The following COL4A4 variants were observed in gnomAD, a reference collection of about 807,000 sequenced individuals.
COL4A4 encodes collagen alpha-4(IV) chain.
Under a neutral mutation model 192.9 loss-of-function variants are expected in COL4A4, and 105 were observed. That is an observed-to-expected ratio of 0.54 (90% confidence interval 0.46 to 0.64). COL4A4 has a LOEUF of 0.64. Ranked by LOEUF, COL4A4 falls within the 30% of genes least tolerant of loss-of-function variation. The pLI, the probability that COL4A4 is intolerant of heterozygous loss-of-function variation, is 0.00. For synonymous variants in COL4A4, 762 were observed against 769.9 expected (o/e 0.99, Z 0.17); for missense variants, 1,967 against 2,169.3 (o/e 0.91, Z 1.85).
chr2:227,038,613 G>A (rs1013844056), intron 37 of COL4A4, among the ~76,000 whole-genome samples: 1 of 152,110 alleles, frequency 6.6e-6, no homozygotes, highest in South Asian at 2.1e-4. Context: ...GAAAGTCAAT[G>A]GTAGCTGGAA....
intron 16 of COL4A4, 69 bp from the exon 17 acceptor site, chr2:227,101,626 T>A: frequency 6.8e-7 from 1 of 1,462,122 alleles, no homozygotes; most frequent in Non-Finnish European, 9.5e-7. Flanking sequence ...CATTCTCATT[T>A]AATTTAAGCA....
At chr2:227,101,728 A>T (rs971451532) in intron 16 of COL4A4, 137 bp downstream of exon 16, 1 of 1,038,948 alleles carries the variant, frequency 9.6e-7, no homozygotes, top group South Asian at 1.4e-5. Flanking sequence ...CCCACAGCTA[A>T]ATCCTGCAAT....
At position 227,036,890 on chromosome 2, in the gene COL4A4, C is replaced by CT. The variant is rs528519339; in HGVS notation, c.3506-3410dup. Among the ~76,000 whole-genome samples, 286 of 152,212 alleles carry CT rather than the reference C, an allele frequency of 1.9e-3. 1 individual carries two copies. Among genetic ancestry groups the CT allele is most frequent in the Middle Eastern group, 0.01 (3 of 294 alleles). ...TTCTGAGGAAAGCCATTTCCAGATTCTTTTTTCTTATGAAACATTTTACTT... is the reference window on the plus strand; with the variant it reads ...TTCTGAGGAAAGCCATTTCCAGATTCTTTTTTTCTTATGAAACATTTTACTT... On this transcript the variant is annotated intron_variant, in intron 37 of 47. Transcript: ENST00000396625.
chr2:227,041,805 G>GAAGAAAGAAAGAAAGAAAGA (rs202002799), intron 37 of COL4A4, among the ~76,000 whole-genome samples: 1 of 39,362 alleles, frequency 2.5e-5, no homozygotes, highest in African/African-American at 9.7e-5. Context: ...AGAAAGAAAG[G>GAAGAAAGAAAGAAAGAAAGA]AAGAAAGAAA....
At position 227,164,072 on chromosome 2, in the gene COL4A4, C is replaced by T. The variant is rs1316368008; in HGVS notation, c.-167G>A. On this transcript the variant is annotated 5_prime_UTR_variant, in exon 1 of 48. Coordinates refer to ENST00000396625, the MANE Select transcript of COL4A4 (RefSeq NM_000092.5). The surrounding 1 kb of genome is among the most constrained non-coding windows in gnomAD (Gnocchi z 4.8). The stretch of plus-strand genomic sequence containing the variant: ...ACCCCACGGGACGCGCACCTCCAGC[C>T]CCAATCCACCCGCGCCCCGCTGCCT... 6.6e-6 allele frequency: 1 copy of T among 152,386 alleles called. No individual in the cohort carries two copies. The highest frequency in any genetic ancestry group is 1.5e-5 in the Non-Finnish European group (1 of 68,190). The allele number at this position is 152,386 out of a possible 1,614,324, so 9.4% of individuals were successfully genotyped here.
Position 227,082,117 on chromosome 2 carries a change from T to C in COL4A4, c.1694A>G (p.Lys565Arg), listed in dbSNP as rs2059357834. The C allele has an allele frequency of 1.9e-6, 3 of 1,613,968 alleles. No individual in the cohort carries two copies. In the South Asian group the frequency reaches 3.3e-5, roughly 18 times the overall value. Residue 565 changes from lysine (K) to arginine (R), a missense_variant and splice_region_variant, in exon 23 of 48, where the codon AAA (lysine) becomes AGA (arginine). Physicochemically the swap from Lys to Arg is conservative, Grantham distance 26 (BLOSUM62 2). Coordinates refer to ENST00000396625, the MANE Select transcript of COL4A4 (RefSeq NM_000092.5). Reference protein sequence around the residue: ...AKGDMVVSRVKGHKGERGPDG... With the variant: ...AKGDMVVSRVRGHKGERGPDG... ...GTTAAGTGATTGATTATGCTCACCT[T>C]TAACTCTTGATACAACCATGTCACC...
At chr2:226,995,491 G>C in the COL4A4 span, 7 of 1,613,002 alleles carry the variant, frequency 4.3e-6, no homozygotes, top group Non-Finnish European at 5.9e-6. Flanking sequence ...GAAATGAGGA[G>C]ACAGCGGCTT....
the COL4A4 span, among the ~76,000 whole-genome samples, chr2:226,986,200 CAGAA>C: frequency 2.6e-5 from 4 of 152,176 alleles, no homozygotes; most frequent in Non-Finnish European, 4.4e-5. Context: ...AGAAAGGACT[CAGAA>C]AGAGCCACAG....
intron 45 of COL4A4, 60 bp downstream of exon 45, chr2:227,012,121 T>C (rs1176687349): frequency 1.5e-6 from 2 of 1,368,600 alleles, no homozygotes; most frequent in East Asian, 4.6e-5. Flanking sequence ...AGATCAGAGA[T>C]TTTGTATACA....
Position 227,054,704 on chromosome 2 carries a change from G to A in COL4A4, c.2750C>T (p.Pro917Leu). ...PRGLPGFPGF[P>L]GERGKPGAEG... The stretch of plus-strand genomic sequence containing the variant: ...TGCACCAGGCTTTCCTCTTTCTCCG[G>A]GAAAACCTGGGAAACCAGGCAGCCC... The change falls in exon 31 of 48, where the codon CCC becomes CTC. Residue 917 changes from proline to leucine, a missense_variant. By Grantham distance (98) the Pro-to-Leu change is moderately conservative. Coordinates refer to ENST00000396625, the MANE Select transcript of COL4A4 (RefSeq NM_000092.5). 6.2e-7 allele frequency: 1 copy of A among 1,614,178 alleles called. No individual in the cohort carries two copies. The highest frequency in any genetic ancestry group is 8.5e-7 in the Non-Finnish European group (1 of 1,180,030).
At chr2:227,083,681 T>C (rs537798705) in intron 22 of COL4A4, among the ~76,000 whole-genome samples, 1 of 152,310 alleles carries the variant, frequency 6.6e-6, no homozygotes, top group South Asian at 2.1e-4. Flanking sequence ...CTCAAACTCC[T>C]AGCCTTAAGG....
chr2:227,014,011 T>C (rs1964363040), intron 44 of COL4A4, among the ~76,000 whole-genome samples: 1 of 152,202 alleles, frequency 6.6e-6, no homozygotes, highest in South Asian at 2.1e-4. Context: ...TTTGACTTGA[T>C]GTTGCAAGCT....
chr2:227,065,384 A>T (rs2058256039), intron 25 of COL4A4, among the ~76,000 whole-genome samples: 1 of 152,256 alleles, frequency 6.6e-6, no homozygotes, highest in Non-Finnish European at 1.5e-5. Context: ...ACCACAGCTC[A>T]AGGAGGCCTG....
rs1963914361 is a variant in COL4A4 at position 227,012,310 on chromosome 2, T to A, written c.4217-13A>T. On this transcript the variant is annotated splice_polypyrimidine_tract_variant and intron_variant, in intron 44 of 47. Coordinates refer to ENST00000396625, the MANE Select transcript of COL4A4 (RefSeq NM_000092.5). Reference sequence around the variant, plus strand: ...TCTCCTTTGCACCCTGCACAAAAGTTTATGATGCTGGTGGTGAAAGCAACC... The same window carrying A: ...TCTCCTTTGCACCCTGCACAAAAGTATATGATGCTGGTGGTGAAAGCAACC... The A allele has an allele frequency of 6.2e-7, 1 of 1,604,652 alleles. No homozygotes were observed. Among genetic ancestry groups the A allele is most frequent in the South Asian group, 1.1e-5 (1 of 90,906 alleles).
Position 227,037,783 on chromosome 2 carries a change from C to T in COL4A4, c.3506-4302G>A, listed in dbSNP as rs977369946. The stretch of plus-strand genomic sequence containing the variant: ...GACTTTTTAATGATCTCCATTCTAA[C>T]TGGCAATGAGATGGTATCTCATTGT... On this transcript the variant is annotated intron_variant, in intron 37 of 47. Coordinates refer to ENST00000396625, the MANE Select transcript of COL4A4 (RefSeq NM_000092.5). Among the ~76,000 whole-genome samples, 6 of 117,030 alleles carry T rather than the reference C, an allele frequency of 5.1e-5. No homozygotes were observed. In the South Asian group the frequency reaches 1.6e-3, roughly 31 times the overall value. 76.8% of individuals were successfully genotyped at this position (117,030 alleles called of 152,430 possible). A position where few individuals can be genotyped will look rare whatever the true frequency, so the allele number is the denominator to read the frequency against.
intron 12 of COL4A4, among the ~76,000 whole-genome samples, chr2:227,107,756 CTTTTTT>C (rs71036157): frequency 1.8e-5 from 2 of 109,202 alleles, no homozygotes; most frequent in Non-Finnish European, 1.8e-5. Context: ...AATCACTTTT[CTTTTTT>C]TTTTTTTTTT....
chr2:227,118,515 G>A, intron 7 of COL4A4, 130 bp downstream of exon 7: 1 of 743,276 alleles, frequency 1.3e-6, no homozygotes. Context: ...TTATCCCCCA[G>A]CCACTCCCAT....
chr2:227,059,850 T>C (rs2150280462), intron 27 of COL4A4, among the ~76,000 whole-genome samples: 1 of 152,300 alleles, frequency 6.6e-6, no homozygotes, highest in South Asian at 2.1e-4. Flanking sequence ...TTTCCTTCTC[T>C]GGCAAACATT....
At position 227,140,255 on chromosome 2, in the gene COL4A4, C is replaced by T. The variant is rs373374906; in HGVS notation, c.115-17G>A. On this transcript the variant is annotated splice_polypyrimidine_tract_variant and intron_variant, in intron 3 of 47. Transcript: ENST00000396625. ...CTTTCCACTCTGGAAAGTGAAGCAT[C>T]TTATTTAGTATACCAGTACTCATCG... 1.2e-6 allele frequency: 2 copies of T among 1,608,244 alleles called. No homozygotes were observed. The highest frequency in any genetic ancestry group is 2.7e-5 in the African/African-American group (2 of 74,824).
Sources: allele counts gnomAD v4.1 joint callset (sites outside exome capture counted in the v4.1 genomes callset), GRCh38; gene constraint gnomAD v4.1.1; non-coding constraint Gnocchi (gnomAD v3.1); transcripts MANE v1.5; gene names NCBI Gene and HGNC (gene_info 2026-07-23, HGNC 2026-07-21).